Variants in HINT3 observed in about 807,000 individuals in gnomAD.
HINT3 encodes the protein adenosine 5'-monophosphoramidase HINT3.
Under a neutral mutation model 19.1 loss-of-function variants are expected in HINT3, and 16 were observed. That is an observed-to-expected ratio of 0.84 (90% CI 0.57 to 1.27). The LOEUF (loss-of-function observed/expected upper bound fraction) is 1.27. Among genes scored for constraint, HINT3 ranks in the 50% most tolerant of loss-of-function variants. The pLI, the probability that HINT3 is intolerant of heterozygous loss-of-function variation, is 0.00. For missense variants in HINT3, 197 were observed against 225.8 expected (o/e 0.87, Z 0.82); for synonymous variants, 75 against 84.8 (o/e 0.88, Z 0.63).
chr6:125,967,895 A>T (rs1789041041), intron 2 of HINT3, among the ~76,000 whole-genome samples: 1 of 152,194 alleles, frequency 6.6e-6, no homozygotes, highest in African/African-American at 2.4e-5. Context: ...TTTCCTACTC[A>T]TGCCTTCTGT....
At position 125,957,098 on chromosome 6, in the gene HINT3, C is replaced by A. The variant is rs868163659; in HGVS notation, c.121C>A (p.Pro41Thr). 1 of 1,550,812 alleles carries A rather than the reference C, an allele frequency of 6.4e-7. No individual in the cohort carries two copies. The highest frequency in any genetic ancestry group is 2.4e-5 in the East Asian group (1 of 40,934). The change falls in exon 1 of 5, where the codon CCC (proline) becomes ACC (threonine). Residue 41 changes from proline (P) to threonine (T), a missense_variant. Transcript: ENST00000229633. Reference sequence around the variant, plus strand: ...TGAAGCCGCTGGCAAGTCACCAGAGCCCAAGGACTACGACAGCACCTGCGT... The same window carrying A: ...TGAAGCCGCTGGCAAGTCACCAGAGACCAAGGACTACGACAGCACCTGCGT... Reference protein sequence around the residue: ...TCEAAGKSPEPKDYDSTCVFC... With the variant: ...TCEAAGKSPETKDYDSTCVFC...
chr6:125,959,336 G>T (rs1342722260), intron 1 of HINT3, among the ~76,000 whole-genome samples: 1 of 152,208 alleles, frequency 6.6e-6, no homozygotes, highest in Non-Finnish European at 1.5e-5. Flanking sequence ...CCTGGAAAGG[G>T]AATAGAGAAG....
intron 3 of HINT3, 34 bp downstream of exon 3, chr6:125,972,362 A>G (rs748697632): frequency 7.9e-7 from 1 of 1,271,218 alleles, no homozygotes; most frequent in Non-Finnish European, 1.1e-6. Flanking sequence ...CCAATATTAT[A>G]CATTATTGAC....
rs114593333 is a variant in HINT3, at chr6:125,958,792, A to C, written c.201+1614A>C. On this transcript the variant is annotated intron_variant, in intron 1 of 4. Transcript: ENST00000229633. ...ATAATGGATAAAAGCCAGGGTTGCTATTAACATGGTACAGTGCACAGGACA... is the reference window on the plus strand; with the variant it reads ...ATAATGGATAAAAGCCAGGGTTGCTCTTAACATGGTACAGTGCACAGGACA... Among the ~76,000 whole-genome samples the C allele has an allele frequency of 3.2e-3, 480 of 152,280 alleles. 1 individual carries two copies. Among genetic ancestry groups the C allele is most frequent in the African/African-American group, 0.011 (447 of 41,550 alleles).
chr6:125,956,925 G>T lies in HINT3; in HGVS notation c.-53G>T. 6.6e-7 allele frequency: 1 copy of T among 1,512,606 alleles called. No individual in the cohort carries two copies. Among genetic ancestry groups the T allele is most frequent in the South Asian group, 1.2e-5 (1 of 82,578 alleles). 93.7% of individuals were successfully genotyped at this position (1,512,606 alleles called of 1,614,324 possible). A position where few individuals can be genotyped will look rare whatever the true frequency, so the allele number is the denominator to read the frequency against. On this transcript the variant is annotated 5_prime_UTR_variant, in exon 1 of 5. Coordinates refer to ENST00000229633, the MANE Select transcript of HINT3 (RefSeq NM_138571.5). ...GAGGTGCGGGACGCGGAGACTGCGC[G>T]GGCCCGGTAGCCCTGGAGAGGCCGA...
In HINT3 at chr6:125,968,882, A is replaced by G. The variant is rs114575050; in HGVS notation, c.319+1878A>G. Among the ~76,000 whole-genome samples, 1,436 of 152,070 alleles carry G rather than the reference A, an allele frequency of 9.4e-3. 17 individuals are homozygous for G. Among genetic ancestry groups the G allele is most frequent in the African/African-American group, 0.027 (1,128 of 41,500 alleles). ...TGATTTTTGGTTGTTTAATTGTTTAATAATTTATTTACAGATCCGGGATAT... is the reference window on the plus strand; with the variant it reads ...TGATTTTTGGTTGTTTAATTGTTTAGTAATTTATTTACAGATCCGGGATAT... On this transcript the variant is annotated intron_variant, in intron 2 of 4. Coordinates refer to ENST00000229633, the MANE Select transcript of HINT3 (RefSeq NM_138571.5).
intron 1 of HINT3, among the ~76,000 whole-genome samples, chr6:125,963,965 G>C (rs1005962410): frequency 2.0e-5 from 3 of 152,196 alleles, no homozygotes; most frequent in African/African-American, 7.2e-5. Context: ...GTAGAGAAGG[G>C]TGTATCAGTA....
rs1300336486 is a variant in HINT3 at position 125,977,905 on chromosome 6, T to C, written c.*229T>C. On this transcript the variant is annotated 3_prime_UTR_variant, in exon 5 of 5. Transcript: ENST00000229633. ...GTTACTTGTATAAGGATTTTATATA[T>C]ATGATACTATAGATAAAATCCTATT... 3 of 342,618 alleles carry C rather than the reference T, an allele frequency of 8.8e-6. No individual in the cohort carries two copies. The highest frequency in any genetic ancestry group is 4.2e-5 in the African/African-American group (2 of 47,328). 21.2% of individuals were successfully genotyped at this position (342,618 alleles called of 1,614,324 possible). A position where few individuals can be genotyped will look rare whatever the true frequency, so the allele number is the denominator to read the frequency against.
chr6:125,973,319 TCCGC>T (rs1789136056), intron 3 of HINT3, among the ~76,000 whole-genome samples: 1 of 152,142 alleles, frequency 6.6e-6, no homozygotes, highest in Non-Finnish European at 1.5e-5. Flanking sequence ...CATCAAGTGA[TCCGC>T]CCGCCTTGGC....
At chr6:125,960,617 G>T (rs964384071) in intron 1 of HINT3, among the ~76,000 whole-genome samples, 1 of 141,486 alleles carries the variant, frequency 7.1e-6, no homozygotes, top group Non-Finnish European at 1.5e-5. Context: ...AGATCGCGCC[G>T]CTGCACTCCA....
chr6:125,966,286 A>G (rs1789016451), intron 1 of HINT3, among the ~76,000 whole-genome samples: 1 of 152,196 alleles, frequency 6.6e-6, no homozygotes, highest in South Asian at 2.1e-4. Flanking sequence ...GATGCCATAC[A>G]TGTAGTGTAG....
chr6:125,971,829 C>A (rs1186683895), intron 2 of HINT3, among the ~76,000 whole-genome samples: 1 of 149,450 alleles, frequency 6.7e-6, no homozygotes, highest in Non-Finnish European at 1.5e-5. Context: ...CTTGCCTCAG[C>A]CTCCCGAGTA....
Position 125,957,051 on chromosome 6 carries a change from C to T in HINT3, c.74C>T (p.Thr25Met), listed in dbSNP as rs932314563. 1.2e-5 allele frequency: 19 copies of T among 1,550,706 alleles called. No individual in the cohort carries two copies. The highest frequency in any genetic ancestry group is 7.1e-5 in the South Asian group (6 of 84,072). ...DCEASATAET[T>M]VSSVGTCEAA... The stretch of plus-strand genomic sequence containing the variant: ...GAGGCCTCGGCGACTGCAGAAACTA[C>T]GGTTTCCTCAGTGGGGACCTGTGAA... The change falls in exon 1 of 5, where the codon ACG becomes ATG. Residue 25 changes from threonine to methionine, a missense_variant. Thr to Met is a moderately conservative substitution (Grantham distance 81). Coordinates refer to ENST00000229633, the MANE Select transcript of HINT3 (RefSeq NM_138571.5).
Position 125,969,263 on chromosome 6 carries a change from G to A in HINT3, c.319+2259G>A, listed in dbSNP as rs111297084. Among the ~76,000 whole-genome samples, 1,371 of 152,172 alleles carry A rather than the reference G, an allele frequency of 9.0e-3. 23 individuals carry two copies. The highest frequency in any genetic ancestry group is 0.032 in the African/African-American group (1,320 of 41,536). ...TCAACACCATTTAACTGAATATGGC[G>A]TATTTTCCCATTTCTTATATTTGTC... On this transcript the variant is annotated intron_variant, in intron 2 of 4. Coordinates refer to ENST00000229633, the MANE Select transcript of HINT3 (RefSeq NM_138571.5).
At chr6:125,973,638 T>C (rs957261111) in intron 3 of HINT3, among the ~76,000 whole-genome samples, 10 of 152,210 alleles carry the variant, frequency 6.6e-5, no homozygotes, top group African/African-American at 2.2e-4. Flanking sequence ...TGAGATTCTC[T>C]GTGTGAAAAA....
intron 2 of HINT3, among the ~76,000 whole-genome samples, chr6:125,970,675 A>T (rs1421753881): frequency 6.6e-6 from 1 of 152,202 alleles, no homozygotes; most frequent in Non-Finnish European, 1.5e-5. Context: ...AAGGAATATG[A>T]CTATAATTGA....
Position 125,957,096 on chromosome 6 carries a change from A to C in HINT3, c.119A>C (p.Glu40Ala). Residue 40 changes from glutamate (E) to alanine (A), a missense_variant, in exon 1 of 5, where the codon GAG becomes GCG. Glu to Ala is a moderately radical substitution (Grantham distance 107). Coordinates refer to ENST00000229633, the MANE Select transcript of HINT3 (RefSeq NM_138571.5). Reference protein sequence around the residue: ...GTCEAAGKSPEPKDYDSTCVF... With the variant: ...GTCEAAGKSPAPKDYDSTCVF... ...TGTGAAGCCGCTGGCAAGTCACCAG[A>C]GCCCAAGGACTACGACAGCACCTGC... 1 of 1,550,928 alleles carries C rather than the reference A, an allele frequency of 6.4e-7. No individual in the cohort carries two copies. The highest frequency in any genetic ancestry group is 1.7e-4 in the Middle Eastern group (1 of 5,990).
intron 2 of HINT3, among the ~76,000 whole-genome samples, chr6:125,968,174 C>G (rs1233164191): frequency 6.6e-6 from 1 of 152,164 alleles, no homozygotes; most frequent in African/African-American, 2.4e-5. Flanking sequence ...CTCTCTCCCA[C>G]TTTTAGTTGT....
rs1788838427 is a variant in HINT3 at position 125,956,792 on chromosome 6, G to C, written c.-186G>C. 1.5e-6 allele frequency: 1 copy of C among 672,154 alleles called. No homozygotes were observed. Among genetic ancestry groups the C allele is most frequent in the African/African-American group, 1.8e-5 (1 of 55,090 alleles). 41.6% of individuals were successfully genotyped at this position (672,154 alleles called of 1,614,324 possible). On this transcript the variant is annotated 5_prime_UTR_variant, in exon 1 of 5. Coordinates refer to ENST00000229633, the MANE Select transcript of HINT3 (RefSeq NM_138571.5). Reference sequence around the variant, plus strand: ...GCCCTCTAGTGGCAGCCGGTTTTGAGGCCGGCCTCCGGCTTTGAAGTTCCT... The same window carrying C: ...GCCCTCTAGTGGCAGCCGGTTTTGACGCCGGCCTCCGGCTTTGAAGTTCCT...
Sources: allele counts gnomAD v4.1 joint callset (sites outside exome capture counted in the v4.1 genomes callset), GRCh38; gene constraint gnomAD v4.1.1; transcripts MANE v1.5; gene names NCBI Gene and HGNC (gene_info 2026-07-23, HGNC 2026-07-21).